The following FOXP2 variants were observed in gnomAD, a reference collection of about 807,000 sequenced individuals.
FOXP2 encodes forkhead box protein P2.
FOXP2 carries 12 observed loss-of-function variants against 115.8 expected under a neutral mutation model. The observed-to-expected ratio is 0.10, with a 90% CI of 0.07 to 0.17. The LOEUF (loss-of-function observed/expected upper bound fraction) is 0.17, where lower values mean the gene tolerates loss of function less well. FOXP2 is among the 10% of genes least tolerant of loss of function. The pLI, the probability that FOXP2 is intolerant of heterozygous loss-of-function variation, is 1.00. For synonymous variants in FOXP2, 328 were observed against 297.7 expected (o/e 1.10, Z -1.05); for missense variants, 629 against 843.5 (o/e 0.75, Z 3.15).
At chr7:114,297,186 G>A (rs191205534) in intron 2 of FOXP2, 168 of 496,052 alleles carry the variant, frequency 3.4e-4, no homozygotes, top group African/African-American at 3.2e-3. Flanking sequence ...CTCTTGGCGT[G>A]GATGTGTCCC....
At chr7:114,183,686 A>G (rs1411911013) in intron 1 of FOXP2, among the ~76,000 whole-genome samples, 2 of 152,296 alleles carry the variant, frequency 1.3e-5, no homozygotes, top group East Asian at 1.9e-4. Context: ...TGTATTGTAC[A>G]TGATATCATA....
At chr7:114,663,663 G>T in intron 15 of FOXP2, 144 bp downstream of exon 15, 1 of 690,246 alleles carries the variant, frequency 1.4e-6, no homozygotes, top group Non-Finnish European at 2.5e-6. Context: ...ACTATAGACA[G>T]CACTGGTTCT....
intron 2 of FOXP2, among the ~76,000 whole-genome samples, chr7:114,303,539 A>G (rs565684662): frequency 2.5e-4 from 38 of 152,136 alleles, no homozygotes; most frequent in Middle Eastern, 3.4e-3. Flanking sequence ...CATTTTCCTT[A>G]CCTCTTTTCT....
intron 3 of FOXP2, among the ~76,000 whole-genome samples, chr7:114,594,343 C>T (rs1802591219): frequency 6.6e-6 from 1 of 151,986 alleles, no homozygotes; most frequent in Non-Finnish European, 1.5e-5. Context: ...CCCACCTCAC[C>T]CTCACCCACA....
intron 2 of FOXP2, among the ~76,000 whole-genome samples, chr7:114,291,890 AT>A (rs1796603957): frequency 1.4e-5 from 2 of 141,970 alleles, no homozygotes; most frequent in African/African-American, 5.3e-5. Context: ...TATAGAATAT[AT>A]ATTATAGATA....
intron 3 of FOXP2, among the ~76,000 whole-genome samples, chr7:114,553,671 A>G (rs1228257503): frequency 2.0e-5 from 3 of 152,204 alleles, no homozygotes; most frequent in Non-Finnish European, 2.9e-5. Context: ...AGAATATGTA[A>G]CAATAATAAA....
At chr7:114,355,761 G>A (rs1486320745) in intron 2 of FOXP2, among the ~76,000 whole-genome samples, 1 of 152,104 alleles carries the variant, frequency 6.6e-6, no homozygotes, top group East Asian at 1.9e-4. Context: ...GTTGATGAAT[G>A]GGGGTGACTG....
At chr7:114,430,606 A>G (rs1424907038) in intron 2 of FOXP2, among the ~76,000 whole-genome samples, 1 of 151,800 alleles carries the variant, frequency 6.6e-6, no homozygotes, top group Non-Finnish European at 1.5e-5. Context: ...ATATTAATTG[A>G]TGATATTTTC....
At chr7:114,413,833 G>A (rs1793234080), upstream of FOXP2, among the ~76,000 whole-genome samples, 2 of 152,056 alleles carry the variant, frequency 1.3e-5, no homozygotes, top group African/African-American at 4.8e-5. Flanking sequence ...TGGCAGGAGT[G>A]GTGGCCGGTT....
At chr7:114,380,403 C>T (rs898889036) in intron 2 of FOXP2, among the ~76,000 whole-genome samples, 1 of 152,196 alleles carries the variant, frequency 6.6e-6, no homozygotes, top group Non-Finnish European at 1.5e-5. Context: ...GAGGGGATTA[C>T]TTTCAAGTAT....
In FOXP2 at chr7:114,507,074, T is replaced by G. The variant is rs540331585; in HGVS notation, c.169-27543T>G. Among the ~76,000 whole-genome samples, 45 of 151,974 alleles carry G rather than the reference T, an allele frequency of 3.0e-4. 1 individual carries two copies. The highest frequency in any genetic ancestry group is 1.1e-3 in the African/African-American group (44 of 41,532). On this transcript the variant is annotated intron_variant, in intron 2 of 16. Coordinates refer to ENST00000350908, the MANE Select transcript of FOXP2 (RefSeq NM_014491.4). ...CACTCATCTCTAAAAATAAATACTGTTGATGTTTAAAACCCAAAGAAACAC... is the reference window on the plus strand; with the variant it reads ...CACTCATCTCTAAAAATAAATACTGGTGATGTTTAAAACCCAAAGAAACAC...
intron 1 of FOXP2, among the ~76,000 whole-genome samples, chr7:114,279,885 C>T (rs1796284283): frequency 6.6e-6 from 1 of 151,834 alleles, no homozygotes; most frequent in African/African-American, 2.4e-5. Flanking sequence ...AAAATAAATA[C>T]ATGAAGCACC....
At chr7:114,440,167 A>G (rs750622697) in intron 2 of FOXP2, among the ~76,000 whole-genome samples, 1 of 152,148 alleles carries the variant, frequency 6.6e-6, no homozygotes, top group Non-Finnish European at 1.5e-5. Context: ...CAAAGATTAA[A>G]CCATCTGTTC....
chr7:114,664,224 T>C, intron 15 of FOXP2, 49 bp from the exon 16 acceptor site: 3 of 1,596,824 alleles, frequency 1.9e-6, no homozygotes, highest in Non-Finnish European at 1.7e-6. Flanking sequence ...TTAAAAATTA[T>C]TTTAAATGCC....
At chr7:114,651,580 T>A (rs1806257082) in intron 8 of FOXP2, among the ~76,000 whole-genome samples, 1 of 152,096 alleles carries the variant, frequency 6.6e-6, no homozygotes, top group South Asian at 2.1e-4. Flanking sequence ...TTCACCATTT[T>A]AAAAATAAGA....
chr7:114,622,611 A>G (rs1381691422), intron 3 of FOXP2, among the ~76,000 whole-genome samples: 3 of 151,920 alleles, frequency 2.0e-5, no homozygotes, highest in East Asian at 1.9e-4. Context: ...TCATCCATCA[A>G]TCTATGAGAG....
chr7:114,385,562 A>ACGTC (rs1792426293), intron 2 of FOXP2, among the ~76,000 whole-genome samples: 1 of 152,064 alleles, frequency 6.6e-6, no homozygotes, highest in Non-Finnish European at 1.5e-5. Context: ...AGGCAGACAA[A>ACGTC]CGTCCGCAGT....
chr7:114,456,215 G>A (rs1795306952), intron 2 of FOXP2, among the ~76,000 whole-genome samples: 1 of 152,296 alleles, frequency 6.6e-6, no homozygotes, highest in African/African-American at 2.4e-5. Context: ...AATGGGAGAA[G>A]GGGTTAGGTC....
chr7:114,659,232 G>A, intron 11 of FOXP2, 124 bp from the exon 12 acceptor site: 1 of 733,230 alleles, frequency 1.4e-6, no homozygotes, highest in Non-Finnish European at 2.4e-6. Flanking sequence ...GTCATGCTTT[G>A]TGCTTTCACT....
Sources: allele counts gnomAD v4.1 joint callset (sites outside exome capture counted in the v4.1 genomes callset), GRCh38; gene constraint gnomAD v4.1.1; transcripts MANE v1.5; gene names NCBI Gene and HGNC (gene_info 2026-07-23, HGNC 2026-07-21).